Variants in RELL1 observed in about 807,000 individuals in gnomAD.
The protein encoded by RELL1 is RELT like 1, also known as RELT-like protein 1.
Under a neutral mutation model 23.0 loss-of-function variants are expected in RELL1, and 10 were observed. The ratio of observed to expected loss-of-function variants is 0.43; its 90% CI spans 0.27 to 0.74. The LOEUF (loss-of-function observed/expected upper bound fraction) is 0.74. Among genes scored for constraint, RELL1 ranks in the 30% least tolerant of loss-of-function variants. The probability of loss-of-function intolerance (pLI) is 0.19; values close to 1 mark genes in which losing one functional copy is unlikely to be tolerated. For missense variants in RELL1, 315 were observed against 364.4 expected (o/e 0.86, Z 1.10); for synonymous variants, 146 against 146.8 (o/e 0.99, Z 0.04).
intron 1 of RELL1, among the ~76,000 whole-genome samples, chr4:37,666,662 G>A (rs1367280706): frequency 6.6e-6 from 1 of 152,196 alleles, no homozygotes; most frequent in Non-Finnish European, 1.5e-5. Flanking sequence ...GGAAGGGGCA[G>A]TGTTAAATGT....
At chr4:37,624,418 CTTTT>C (rs35118296) in intron 6 of RELL1, among the ~76,000 whole-genome samples, 19 of 111,358 alleles carry the variant, frequency 1.7e-4, no homozygotes, top group Admixed American at 3.8e-4. Flanking sequence ...TTCTTTCTTT[CTTTT>C]TTTTTTTTTT....
downstream of RELL1, chr4:37,588,684 TG>T: frequency 1.8e-6 from 1 of 570,336 alleles, no homozygotes; most frequent in Non-Finnish European, 3.1e-6. Flanking sequence ...GGGGTATTCC[TG>T]GTAACCAGCA....
intron 1 of RELL1, chr4:37,665,179 G>C (rs1721488805): frequency 4.4e-6 from 2 of 450,074 alleles, no homozygotes; most frequent in African/African-American, 4.0e-5. Flanking sequence ...CTATTTGGTA[G>C]AACAGAATAT....
At chr4:37,588,769 G>A (rs1718441240), downstream of RELL1, 1 of 1,058,660 alleles carries the variant, frequency 9.4e-7, no homozygotes, top group Admixed American at 1.8e-5. Context: ...GAGTCTCTAG[G>A]GAAAAAAAAA....
At chr4:37,592,445 C>T (rs1718667041) in intron 6 of RELL1, among the ~76,000 whole-genome samples, 1 of 151,764 alleles carries the variant, frequency 6.6e-6, no homozygotes, top group African/African-American at 2.4e-5. Flanking sequence ...GGCTTTCTCT[C>T]TGTCAAACTT....
chr4:37,662,167 G>A (rs1339845036), intron 1 of RELL1, among the ~76,000 whole-genome samples: 2 of 152,154 alleles, frequency 1.3e-5, no homozygotes, highest in Non-Finnish European at 2.9e-5. Flanking sequence ...CCAATAAAAC[G>A]TGCAGAAGTC....
intron 1 of RELL1, chr4:37,665,252 T>A (rs1721491396): frequency 2.2e-6 from 1 of 456,156 alleles, no homozygotes; most frequent in African/African-American, 2.0e-5. Context: ...ATAAGTAGAT[T>A]CTTTTCAGAG....
chr4:37,683,968 C>A (rs1722314978), intron 1 of RELL1, among the ~76,000 whole-genome samples: 1 of 151,810 alleles, frequency 6.6e-6, no homozygotes, highest in Non-Finnish European at 1.5e-5. Context: ...GTAGTCCCAG[C>A]TACTCTGGAG....
intron 6 of RELL1, 117 bp downstream of exon 6, chr4:37,631,268 T>C: frequency 8.7e-7 from 1 of 1,146,622 alleles, no homozygotes; most frequent in Non-Finnish European, 1.2e-6. Flanking sequence ...CAAGGAAAGC[T>C]CTCCCACTTC....
chr4:37,616,510 T>C (rs1184356852), intron 6 of RELL1, among the ~76,000 whole-genome samples: 1 of 152,210 alleles, frequency 6.6e-6, no homozygotes, highest in Non-Finnish European at 1.5e-5. Flanking sequence ...GAAATCACTG[T>C]GGTTGCATGA....
chr4:37,613,769 T>C (rs1421162903), intron 6 of RELL1, among the ~76,000 whole-genome samples: 1 of 152,222 alleles, frequency 6.6e-6, no homozygotes, highest in East Asian at 1.9e-4. Flanking sequence ...TTATTGTACC[T>C]TCAGGGTTCT....
chr4:37,604,886 CAGACACACACACAG>C (rs1719138369), intron 6 of RELL1, among the ~76,000 whole-genome samples: 7 of 84,596 alleles, frequency 8.3e-5, no homozygotes, highest in African/African-American at 1.6e-4. Context: ...CACATACACA[CAGACACACACACAG>C]ACACACACAC....
intron 1 of RELL1, among the ~76,000 whole-genome samples, chr4:37,678,261 C>CTT (rs1431736651): frequency 1.3e-5 from 2 of 152,188 alleles, no homozygotes; most frequent in Non-Finnish European, 2.9e-5. Context: ...GATGCTAAAT[C>CTT]ATTCATGAGA....
chr4:37,664,527 T>C (rs1407390567), intron 1 of RELL1, among the ~76,000 whole-genome samples: 2 of 152,146 alleles, frequency 1.3e-5, no homozygotes, highest in Non-Finnish European at 2.9e-5. Context: ...TATTCAGTGG[T>C]TGCCACAAAC....
intron 3 of RELL1, among the ~76,000 whole-genome samples, chr4:37,639,611 G>A (rs899677675): frequency 1.3e-5 from 2 of 151,938 alleles, no homozygotes; most frequent in Non-Finnish European, 2.9e-5. Context: ...CCTCCTTGTA[G>A]AGTGGTCACG....
intron 1 of RELL1, among the ~76,000 whole-genome samples, chr4:37,650,265 G>A (rs1720876303): frequency 6.6e-6 from 1 of 152,196 alleles, no homozygotes; most frequent in South Asian, 2.1e-4. Context: ...GTATGAAGAA[G>A]AGGGAAAAGT....
intron 1 of RELL1, among the ~76,000 whole-genome samples, chr4:37,662,283 A>G (rs1560353035): frequency 6.6e-6 from 1 of 152,182 alleles, no homozygotes; most frequent in Non-Finnish European, 1.5e-5. Context: ...GGGAAAATGC[A>G]TTTCAACTTA....
intron 1 of RELL1, among the ~76,000 whole-genome samples, chr4:37,670,423 G>A (rs1479820974): frequency 1.3e-5 from 2 of 152,160 alleles, no homozygotes; most frequent in East Asian, 1.9e-4. Context: ...GGCAGAGACA[G>A]TGCTATGAAA....
chr4:37,591,040 T>G, exon 7 of RELL1: 3 of 1,541,690 alleles, frequency 1.9e-6, no homozygotes, highest in Non-Finnish European at 2.6e-6. Flanking sequence ...GGTGTCATGC[T>G]GAGCATGCAG....
Sources: gnomAD v4.1 joint callset for allele counts (sites outside exome capture counted in the v4.1 genomes callset) on GRCh38, gnomAD v4.1.1 for gene constraint, MANE v1.5 for transcripts, NCBI Gene and HGNC (gene_info 2026-07-23, HGNC 2026-07-21) for gene names.